UNC80: variants seen among roughly 807,000 people sequenced by gnomAD.
The protein encoded by UNC80 is unc-80 subunit of NALCN channel complex.
A neutral mutation model predicts 384.6 loss-of-function variants in UNC80; 164 were observed. The ratio of observed to expected loss-of-function variants is 0.43; its 90% CI spans 0.38 to 0.49. UNC80 has a LOEUF of 0.49. Ranked by LOEUF, UNC80 falls within the 20% of genes least tolerant of loss-of-function variation. The pLI is 0.00. For synonymous variants in UNC80, 1,486 were observed against 1,527.8 expected, an observed-to-expected ratio of 0.97 and a Z score of 0.64; for missense variants, 3,330 against 4,143.0, an observed-to-expected ratio of 0.80 and a Z score of 5.39.
At chr2:209,787,476 T>C (rs929900115) in intron 5 of UNC80, among the ~76,000 whole-genome samples, 10 of 152,188 alleles carry the variant, frequency 6.6e-5, no homozygotes, top group African/African-American at 2.4e-4. Context: ...AATAATATGG[T>C]AGTATTATTG....
chr2:209,831,395 T>C, intron 15 of UNC80, 48 bp from the exon 16 acceptor site: 1 of 1,516,412 alleles, frequency 6.6e-7, no homozygotes, highest in Non-Finnish European at 8.8e-7. Context: ...CTACCCATTG[T>C]GTAGCTTAAA....
At chr2:209,926,567 G>A (rs144952388) in intron 35 of UNC80, among the ~76,000 whole-genome samples, 40 of 152,172 alleles carry the variant, frequency 2.6e-4, no homozygotes, top group Admixed American at 5.9e-4. Flanking sequence ...GCTTGAGCCC[G>A]GTAGTTCAAG....
chr2:209,891,085 AT>A (rs1284957214), intron 26 of UNC80, among the ~76,000 whole-genome samples: 2 of 152,204 alleles, frequency 1.3e-5, no homozygotes, highest in Admixed American at 6.5e-5. Flanking sequence ...GACTCAATAA[AT>A]TTTGGATAAC....
At chr2:209,927,174 C>A (rs928990389) in intron 36 of UNC80, among the ~76,000 whole-genome samples, 188 bp downstream of exon 36, 1 of 152,198 alleles carries the variant, frequency 6.6e-6, no homozygotes, top group Non-Finnish European at 1.5e-5. Context: ...TCTCCCTCTA[C>A]CTTTATGGCC....
rs746841083 is a variant in UNC80 at position 209,967,633 on chromosome 2, T to C, written c.8002T>C (p.Leu2668=). 17 of 1,551,422 alleles carry C rather than the reference T, an allele frequency of 1.1e-5. No individual in the cohort carries two copies. Among genetic ancestry groups the C allele is most frequent in the East Asian group, 4.9e-5 (2 of 40,912 alleles). The change falls in exon 52 of 65, where the codon TTG becomes CTG. Residue 2668 remains leucine, a synonymous_variant. Transcript: ENST00000673920. ...CAACAAAATTCATAAGATGCCTACT[T>C]TGAGGTGAGAATGCCTCCGAGTTAG... ...MFNKIHKMPT[L]RRQVEWEPAS...
chr2:209,927,915 T>C (rs2090561381), intron 36 of UNC80, among the ~76,000 whole-genome samples: 2 of 152,162 alleles, frequency 1.3e-5, no homozygotes, highest in South Asian at 4.1e-4. Flanking sequence ...AGTACCTCCA[T>C]ATGATAACAT....
intron 38 of UNC80, among the ~76,000 whole-genome samples, chr2:209,933,084 T>A (rs2091003757): frequency 6.6e-6 from 1 of 152,196 alleles, no homozygotes; most frequent in Non-Finnish European, 1.5e-5. Flanking sequence ...TATTTGCACA[T>A]TATTGAATAG....
chr2:209,860,300 C>T (rs760713659), intron 22 of UNC80, among the ~76,000 whole-genome samples: 7 of 152,190 alleles, frequency 4.6e-5, no homozygotes, highest in South Asian at 2.1e-4. Flanking sequence ...CTTTCCCCAT[C>T]GCTTGTTTTT....
chr2:209,789,895 A>G (rs1278873965), intron 6 of UNC80, among the ~76,000 whole-genome samples: 5 of 151,930 alleles, frequency 3.3e-5, no homozygotes, highest in Middle Eastern at 3.4e-3. Context: ...AACATGTAAC[A>G]CTCAATAAGT....
rs148025646 is a variant in UNC80 at position 209,850,532 on chromosome 2, A to T, written c.3627+909A>T. Among the ~76,000 whole-genome samples, 123 of 152,250 alleles carry T rather than the reference A, an allele frequency of 8.1e-4. 1 individual carries two copies. Among genetic ancestry groups the T allele is most frequent in the African/African-American group, 2.8e-3 (118 of 41,562 alleles). ...TAATCCAAGCCTTATAATGTAATTC[A>T]TGAAATTTCTCTGTGACATTTGCAG... On this transcript the variant is annotated intron_variant, in intron 22 of 64. Transcript: ENST00000673920.
At chr2:209,797,797 TTC>T (rs1330945448) in intron 7 of UNC80, among the ~76,000 whole-genome samples, 1 of 152,228 alleles carries the variant, frequency 6.6e-6, no homozygotes, top group East Asian at 1.9e-4. Context: ...GCATTCCTAT[TTC>T]TCCACAGCCT....
At chr2:209,938,700 CTCTCTCTCTCTGTGTGTG>C (rs957461783) in intron 42 of UNC80, among the ~76,000 whole-genome samples, 1 of 150,356 alleles carries the variant, frequency 6.7e-6, no homozygotes, top group African/African-American at 2.5e-5. Context: ...CTCTCTCTCT[CTCTCTCTCTCTGTGTGTG>C]TGTGTGTGTG....
At chr2:209,835,109 C>A in intron 18 of UNC80, 99 bp downstream of exon 18, 1 of 990,674 alleles carries the variant, frequency 1.0e-6, no homozygotes, top group Non-Finnish European at 1.5e-6. Flanking sequence ...TTTTCATCTC[C>A]TTTGAATTTT....
rs151064468 is a variant in UNC80 at position 209,868,533 on chromosome 2, C to T, written c.3628-4225C>T. 9.2e-5 allele frequency among the ~76,000 whole-genome samples: 14 copies of T among 152,180 alleles called. No individual in the cohort carries two copies. The East Asian group carries it at 2.3e-3, about 25-fold the overall frequency. On this transcript the variant is annotated intron_variant, in intron 22 of 64. Coordinates refer to ENST00000673920, the MANE Select transcript of UNC80 (RefSeq NM_001371986.1). ...CCCAGGCAAAATAAAGCACAGCTAT[C>T]GAAATTAGTATCTCAATTCTCTGCC...
In UNC80 at chr2:209,916,363, G is replaced by A. The variant is rs966522622; in HGVS notation, c.5030-1414G>A. 2.0e-5 allele frequency among the ~76,000 whole-genome samples: 3 copies of A among 152,252 alleles called. No individual in the cohort carries two copies. In the East Asian group the frequency reaches 5.8e-4, roughly 29 times the overall value. The stretch of plus-strand genomic sequence containing the variant: ...GAAGCAAAGGAAAATAATTCTTCAA[G>A]GAGATTATGAAGGTATTAAAAACTG... On this transcript the variant is annotated intron_variant, in intron 31 of 64. Transcript: ENST00000673920.
chr2:209,934,240 G>C (rs553217289), intron 39 of UNC80, among the ~76,000 whole-genome samples: 1 of 152,148 alleles, frequency 6.6e-6, no homozygotes, highest in Middle Eastern at 3.2e-3. Context: ...GCATGAATCA[G>C]TCCTTGAAGG....
chr2:209,972,092 T>C, intron 54 of UNC80, 109 bp from the exon 55 acceptor site: 8 of 1,366,138 alleles, frequency 5.9e-6, no homozygotes, highest in Non-Finnish European at 7.8e-6. Context: ...ACTCATAGTT[T>C]ACAGGAGCAG....
At chr2:209,951,297 T>TC (rs1553611745) in intron 47 of UNC80, among the ~76,000 whole-genome samples, 2 of 118,044 alleles carry the variant, frequency 1.7e-5, no homozygotes, top group African/African-American at 5.2e-5. Context: ...TCCTTTTTTT[T>TC]TCTCTCTCTC....
chr2:209,820,638 G>A lies in UNC80; in HGVS notation c.2290G>A (p.Gly764Arg). 8 of 1,550,044 alleles carry A rather than the reference G, an allele frequency of 5.2e-6. No individual in the cohort carries two copies. The highest frequency in any genetic ancestry group is 7.0e-6 in the Non-Finnish European group (8 of 1,146,330). ...TGATGGAGGAGGAGGTGGAGGAGGT[G>A]GAGGCGGCCCTTATGAGAAGAATGA... ...GGDGGGGGGG[G>R]GGPYEKNDKN... Residue 764 changes from glycine to arginine, a missense_variant, in exon 13 of 65, where the codon GGA becomes AGA. This residue lies in a region of UNC80 where 937 missense variants were observed against 1,026.8 expected (regional missense o/e 0.91). Transcript: ENST00000673920.
Sources: gnomAD v4.1 joint callset for allele counts (sites outside exome capture counted in the v4.1 genomes callset) on GRCh38, gnomAD v4.1.1 for gene constraint, gnomAD v4.1.1 regional missense constraint, MANE v1.5 for transcripts, NCBI Gene and HGNC (gene_info 2026-07-23, HGNC 2026-07-21) for gene names.